Variants in SLC7A10 observed in about 807,000 individuals in gnomAD.
SLC7A10 encodes the protein solute carrier family 7 member 10, also known as asc-type amino acid transporter 1.
Under a neutral mutation model 52.7 loss-of-function variants are expected in SLC7A10, and 30 were observed. The ratio of observed to expected loss-of-function variants is 0.57; its 90% CI spans 0.43 to 0.77. The LOEUF (loss-of-function observed/expected upper bound fraction) is 0.77, where lower values mean the gene tolerates loss of function less well. SLC7A10 is among the 30% of genes least tolerant of loss of function. The pLI, the probability that SLC7A10 is intolerant of heterozygous loss-of-function variation, is 0.00. For missense variants in SLC7A10, 581 were observed against 698.5 expected, an observed-to-expected ratio of 0.83 and a Z score of 1.90; for synonymous variants, 318 against 314.9, an observed-to-expected ratio of 1.01 and a Z score of -0.10.
At chr19:33,213,062 G>T in intron 2 of SLC7A10, 60 bp from the exon 3 acceptor site, 1 of 1,550,586 alleles carries the variant, frequency 6.4e-7, no homozygotes, top group Non-Finnish European at 8.7e-7. Flanking sequence ...GGCCAACCTG[G>T]CCCTGATGTG....
At chr19:33,225,452 A>G in intron 1 of SLC7A10, 101 bp downstream of exon 1, 1 of 1,422,132 alleles carries the variant, frequency 7.0e-7, no homozygotes. Context: ...TTCCCCAGGC[A>G]GACCCGTCCG....
chr19:33,225,103 C>A (rs962103946), intron 1 of SLC7A10, among the ~76,000 whole-genome samples: 19 of 152,380 alleles, frequency 1.2e-4, no homozygotes, highest in African/African-American at 4.6e-4. Context: ...CTGCGTGGCA[C>A]CTGGACCCTG....
chr19:33,212,281 G>GC lies in SLC7A10; in HGVS notation c.788+10dup. On this transcript the variant is annotated intron_variant, in intron 5 of 10. Transcript: ENST00000253188. ...GCTGCTTCCCAGGGCCCAGTTGGGG[G>GC]CCCCACTCACTTTCGGGCGTCAACC... 1 of 1,594,546 alleles carries GC rather than the reference G, an allele frequency of 6.3e-7. No individual in the cohort carries two copies. The highest frequency in any genetic ancestry group is 8.5e-7 in the Non-Finnish European group (1 of 1,171,420).
At chr19:33,223,750 GCCCTTCA>G (rs890582036) in intron 1 of SLC7A10, among the ~76,000 whole-genome samples, 17 of 152,288 alleles carry the variant, frequency 1.1e-4, no homozygotes, top group African/African-American at 4.1e-4. Context: ...TAGCTAAGTG[GCCCTTCA>G]CCCTGGCTCA....
In SLC7A10 at chr19:33,208,788, T is replaced by TC; in HGVS notation, c.*102dup. 1 of 1,514,576 alleles carries TC rather than the reference T, an allele frequency of 6.6e-7. No homozygotes were observed. Among genetic ancestry groups the TC allele is most frequent in the Non-Finnish European group, 9.1e-7 (1 of 1,102,616 alleles). 93.8% of individuals were successfully genotyped at this position (1,514,576 alleles called of 1,614,324 possible). On this transcript the variant is annotated 3_prime_UTR_variant, in exon 11 of 11. Coordinates refer to ENST00000253188, the MANE Select transcript of SLC7A10 (RefSeq NM_019849.3). This position sits in a 1 kb window ranked among gnomAD's most constrained non-coding sequence, Gnocchi z 4.7. ...AGGCTTCTGAGAGTCGTATCTTTTT[T>TC]CTTTTTTTTCCAGAAAAAAACAAAA...
intron 1 of SLC7A10, among the ~76,000 whole-genome samples, chr19:33,222,445 T>A (rs1465628812): frequency 0.017 from 1,474 of 85,902 alleles, 26 homozygotes; most frequent in Non-Finnish European, 0.025. Context: ...TAAAATAAAA[T>A]AAATAAAATA....
At position 33,210,725 on chromosome 19, in the gene SLC7A10, T is replaced by C. The variant is rs531003706; in HGVS notation, c.1113+77A>G. The C allele has an allele frequency of 6.8e-7, 1 of 1,469,048 alleles. No individual in the cohort carries two copies. The highest frequency in any genetic ancestry group is 2.6e-5 in the East Asian group (1 of 37,802). The allele number at this position is 1,469,048 out of a possible 1,614,324, so 91.0% of individuals were successfully genotyped here. On this transcript the variant is annotated intron_variant, in intron 8 of 10. Coordinates refer to ENST00000253188, the MANE Select transcript of SLC7A10 (RefSeq NM_019849.3). The surrounding 1 kb of genome is among the most constrained non-coding windows in gnomAD (Gnocchi z 5.6). ...CCCCCACCCTGGAATGGCTCACCCCTGCCATTACCCGGAAGGTCCTGCATT... is the reference window on the plus strand; with the variant it reads ...CCCCCACCCTGGAATGGCTCACCCCCGCCATTACCCGGAAGGTCCTGCATT...
chr19:33,213,133 C>T, intron 2 of SLC7A10, 131 bp from the exon 3 acceptor site: 1 of 1,232,768 alleles, frequency 8.1e-7, no homozygotes, highest in Non-Finnish European at 1.2e-6. Flanking sequence ...GAGGCCAGCA[C>T]CGGTCCAGGG....
At chr19:33,212,707 G>A in intron 3 of SLC7A10, 68 bp from the exon 4 acceptor site, 1 of 1,611,672 alleles carries the variant, frequency 6.2e-7, no homozygotes, top group South Asian at 1.1e-5. Context: ...GCCAAGTCCA[G>A]CCCAGGCGGC....
intron 1 of SLC7A10, chr19:33,220,220 AC>A (rs2145490439): frequency 6.6e-6 from 1 of 152,042 alleles, no homozygotes; most frequent in East Asian, 1.9e-4. Flanking sequence ...CCGGCACCCG[AC>A]TCCAGCCTAA....
chr19:33,209,087 C>T (rs1386048353), intron 10 of SLC7A10, 66 bp from the exon 11 acceptor site: 25 of 1,606,462 alleles, frequency 1.6e-5, no homozygotes, highest in Non-Finnish European at 2.0e-5. Context: ...CAGCTCCGGA[C>T]ACCTCCCCTT....
In SLC7A10 at chr19:33,210,015, A is replaced by G. The variant is rs142763228; in HGVS notation, c.1263+452T>C. Among the ~76,000 whole-genome samples the G allele has an allele frequency of 6.7e-6, 1 of 149,874 alleles. No individual in the cohort carries two copies. Among genetic ancestry groups the G allele is most frequent in the Non-Finnish European group, 1.5e-5 (1 of 67,612 alleles). On this transcript the variant is annotated intron_variant, in intron 9 of 10. Transcript: ENST00000253188. The surrounding 1 kb of genome is among the most constrained non-coding windows in gnomAD (Gnocchi z 5.6). ...GAGTACGGTGGCCCTAGCACCGCTCACTGCAGCCTCAACCTCCCGGGCTCA... is the reference window on the plus strand; with the variant it reads ...GAGTACGGTGGCCCTAGCACCGCTCGCTGCAGCCTCAACCTCCCGGGCTCA...
chr19:33,211,677 G>T, intron 5 of SLC7A10, 140 bp from the exon 6 acceptor site: 1 of 1,485,512 alleles, frequency 6.7e-7, no homozygotes, highest in Non-Finnish European at 9.0e-7. Context: ...CAGCATTGCT[G>T]CCCGAGACAC....
chr19:33,225,008 T>TCTGAACCTCCGTCC (rs377387707), intron 1 of SLC7A10, among the ~76,000 whole-genome samples: 13 of 152,320 alleles, frequency 8.5e-5, no homozygotes, highest in African/African-American at 3.1e-4. Flanking sequence ...CATTGCCTGC[T>TCTGAACCTCCGTCC]CTGAACCTCC....
Position 33,215,803 on chromosome 19 carries a change from C to A in SLC7A10, c.322G>T (p.Ala108Ser). ...VAIPKSGGDY[A>S]YVTEIFGGLA... Reference sequence around the variant, plus strand: ...CCCCCGAAGATCTCTGTGACGTAGGCGTAGTCCCCGCCAGACTTGGGGATG... The same window carrying A: ...CCCCCGAAGATCTCTGTGACGTAGGAGTAGTCCCCGCCAGACTTGGGGATG... The change falls in exon 2 of 11, where the codon GCC becomes TCC. Residue 108 changes from alanine to serine, a missense_variant. By Grantham distance (99) the Ala-to-Ser change is moderately conservative. Coordinates refer to ENST00000253188, the MANE Select transcript of SLC7A10 (RefSeq NM_019849.3). 6.4e-7 allele frequency: 1 copy of A among 1,571,000 alleles called. No homozygotes were observed. Among genetic ancestry groups the A allele is most frequent in the Non-Finnish European group, 8.6e-7 (1 of 1,158,324 alleles).
chr19:33,210,450 C>A lies in SLC7A10; in HGVS notation c.1263+17G>T. ...CTGGCAGCACCCGGCACAGGGCCAGCTGTCCCAGGGCCTCACCTTGATGGG... is the reference window on the plus strand; with the variant it reads ...CTGGCAGCACCCGGCACAGGGCCAGATGTCCCAGGGCCTCACCTTGATGGG... On this transcript the variant is annotated intron_variant, in intron 9 of 10. Coordinates refer to ENST00000253188, the MANE Select transcript of SLC7A10 (RefSeq NM_019849.3). The surrounding 1 kb of genome is among the most constrained non-coding windows in gnomAD (Gnocchi z 5.6). 1 of 1,571,446 alleles carries A rather than the reference C, an allele frequency of 6.4e-7. No individual in the cohort carries two copies.
chr19:33,213,579 C>T (rs868844116), intron 2 of SLC7A10, among the ~76,000 whole-genome samples: 9 of 152,212 alleles, frequency 5.9e-5, no homozygotes, highest in African/African-American at 1.7e-4. Flanking sequence ...TGAGCCACTG[C>T]GCCCAGTCAC....
At chr19:33,216,025 C>T (rs368388491) in intron 1 of SLC7A10, 52 bp from the exon 2 acceptor site, 214 of 1,463,484 alleles carry the variant, frequency 1.5e-4, no homozygotes, top group Middle Eastern at 5.4e-4. Context: ...CTTCGCAGCC[C>T]GGCCTTCTGT....
intron 1 of SLC7A10, among the ~76,000 whole-genome samples, chr19:33,223,714 C>T (rs932270768): frequency 6.6e-6 from 1 of 152,130 alleles, no homozygotes; most frequent in African/African-American, 2.4e-5. Flanking sequence ...GGCTTGGGTT[C>T]TGTAGCTGAA....
Sources: gnomAD v4.1 joint callset for allele counts (sites outside exome capture counted in the v4.1 genomes callset) on GRCh38, gnomAD v4.1.1 for gene constraint, Gnocchi (gnomAD v3.1) non-coding constraint, MANE v1.5 for transcripts, NCBI Gene and HGNC (gene_info 2026-07-23, HGNC 2026-07-21) for gene names.